CHRM3: variants seen among roughly 807,000 people sequenced by gnomAD.
The protein encoded by CHRM3 is muscarinic acetylcholine receptor M3.
Under a neutral mutation model 41.8 loss-of-function variants are expected in CHRM3, and 11 were observed. That is an observed-to-expected ratio of 0.26 (90% CI 0.17 to 0.44). CHRM3 has a LOEUF of 0.44. Ranked by LOEUF, CHRM3 falls within the 20% of genes least tolerant of loss-of-function variation. The pLI is 1.00. For synonymous variants in CHRM3, 297 were observed against 301.4 expected, an observed-to-expected ratio of 0.99 and a Z score of 0.15; for missense variants, 571 against 745.4, an observed-to-expected ratio of 0.77 and a Z score of 2.72.
intron 5 of CHRM3, among the ~76,000 whole-genome samples, chr1:239,733,457 A>G (rs1664138107): frequency 6.6e-6 from 1 of 152,114 alleles, no homozygotes; most frequent in Admixed American, 6.6e-5. Flanking sequence ...ATCTGTAGAT[A>G]TATACCTGAC....
chr1:239,715,311 G>A (rs926396218), intron 5 of CHRM3, among the ~76,000 whole-genome samples: 3 of 152,090 alleles, frequency 2.0e-5, no homozygotes, highest in South Asian at 4.1e-4. Context: ...AGAGGAAATA[G>A]GCTATGCACC....
intron 5 of CHRM3, among the ~76,000 whole-genome samples, chr1:239,681,804 T>G (rs1450726562): frequency 6.6e-6 from 1 of 151,768 alleles, no homozygotes; most frequent in African/African-American, 2.4e-5. Context: ...GAGGCTGAGG[T>G]GGGAGGATGG....
intron 4 of CHRM3, among the ~76,000 whole-genome samples, chr1:239,646,477 C>T (rs1448084565): frequency 6.6e-6 from 1 of 152,140 alleles, no homozygotes; most frequent in Non-Finnish European, 1.5e-5. Flanking sequence ...CATATACGCA[C>T]TGTTGGAAAA....
intron 6 of CHRM3, chr1:239,899,697 A>G (rs1054247421): frequency 6.6e-6 from 1 of 152,094 alleles, no homozygotes; most frequent in Non-Finnish European, 1.5e-5. Flanking sequence ...TATATCGTAT[A>G]TATATACTAA....
chr1:239,473,049 G>A (rs1666233176), intron 1 of CHRM3, among the ~76,000 whole-genome samples: 1 of 151,730 alleles, frequency 6.6e-6, no homozygotes, highest in African/African-American at 2.4e-5. Context: ...TTTTTAAATG[G>A]TGCTGGAAAA....
chr1:239,656,481 AAG>A (rs1491319574), intron 4 of CHRM3, among the ~76,000 whole-genome samples: 5 of 151,690 alleles, frequency 3.3e-5, no homozygotes, highest in Admixed American at 1.3e-4. Context: ...AAAAAGAAAA[AAG>A]AAAAAAAAAG....
At chr1:239,854,865 G>A (rs1674977406) in intron 6 of CHRM3, among the ~76,000 whole-genome samples, 2 of 152,132 alleles carry the variant, frequency 1.3e-5, no homozygotes, top group South Asian at 4.1e-4. Flanking sequence ...ATTCAGATAA[G>A]TGGAAGGCAT....
chr1:239,908,046 C>G lies in CHRM3; in HGVS notation c.595C>G (p.Leu199Val). 6.2e-7 allele frequency: 1 copy of G among 1,614,168 alleles called. No homozygotes were observed. Among genetic ancestry groups the G allele is most frequent in the Non-Finnish European group, 8.5e-7 (1 of 1,180,048 alleles). Reference protein sequence around the residue: ...IGLAWVISFVLWAPAILFWQY... With the variant: ...IGLAWVISFVVWAPAILFWQY... Reference sequence around the variant, plus strand: ...TCTGGCTTGGGTCATCTCCTTTGTCCTTTGGGCTCCTGCCATCTTGTTCTG... The same window carrying G: ...TCTGGCTTGGGTCATCTCCTTTGTCGTTTGGGCTCCTGCCATCTTGTTCTG... Residue 199 changes from leucine (L) to valine (V), a missense_variant, in exon 7 of 7, where the codon CTT becomes GTT. Physicochemically the swap from Leu to Val is conservative, Grantham distance 32. Transcript: ENST00000676153. This position sits in a 1 kb window ranked among gnomAD's most constrained non-coding sequence, Gnocchi z 7.2.
chr1:239,791,894 G>A (rs1669383181), intron 5 of CHRM3, among the ~76,000 whole-genome samples: 2 of 152,170 alleles, frequency 1.3e-5, no homozygotes, highest in Non-Finnish European at 2.9e-5. Context: ...TAGATTGGCA[G>A]ATACAAGACC....
intron 1 of CHRM3, among the ~76,000 whole-genome samples, chr1:239,405,480 T>G (rs2103013665): frequency 6.6e-6 from 1 of 152,312 alleles, no homozygotes; most frequent in African/African-American, 2.4e-5. Context: ...AGCCTGATTC[T>G]ACTCGGTGTC....
intron 1 of CHRM3, among the ~76,000 whole-genome samples, chr1:239,427,540 AT>A (rs1231945057): frequency 1.3e-5 from 2 of 151,834 alleles, no homozygotes; most frequent in Non-Finnish European, 2.9e-5. Flanking sequence ...CCACCATCTT[AT>A]TTTCTTCCCC....
rs1659284496 is a variant in CHRM3, at chr1:239,687,726, G to A, written c.-147+9438G>A. On this transcript the variant is annotated intron_variant, in intron 5 of 6. Coordinates refer to ENST00000676153, the MANE Select transcript of CHRM3 (RefSeq NM_001375978.1). ...GTGCTCCCATAACATAATAACTACT[G>A]TTTCTATGTTCAGATATGTTTAGAT... 2.6e-5 allele frequency among the ~76,000 whole-genome samples: 4 copies of A among 152,046 alleles called. No homozygotes were observed. In the South Asian group the frequency reaches 8.3e-4, roughly 32 times the overall value.
intron 1 of CHRM3, among the ~76,000 whole-genome samples, chr1:239,412,215 CACTCTTT>C: frequency 7.1e-6 from 1 of 140,916 alleles, no homozygotes; most frequent in East Asian, 2.1e-4. Flanking sequence ...CCCTCCTTCC[CACTCTTT>C]TTCTCCCCTT....
intron 2 of CHRM3, among the ~76,000 whole-genome samples, chr1:239,544,229 A>G (rs1659069669): frequency 6.6e-6 from 1 of 152,140 alleles, no homozygotes; most frequent in African/African-American, 2.4e-5. Context: ...CCTAGCTCCT[A>G]GTAATCATGC....
intron 1 of CHRM3, among the ~76,000 whole-genome samples, chr1:239,424,145 T>C (rs1662182408): frequency 6.6e-6 from 1 of 151,982 alleles, no homozygotes; most frequent in African/African-American, 2.4e-5. Flanking sequence ...ATTCTTTTAG[T>C]TGCGCAATGT....
intron 5 of CHRM3, among the ~76,000 whole-genome samples, chr1:239,708,826 G>A (rs1417327751): frequency 7.8e-6 from 1 of 127,458 alleles, no homozygotes; most frequent in Non-Finnish European, 1.6e-5. Context: ...TGAAACAGAA[G>A]TTTCACATTT....
intron 3 of CHRM3, among the ~76,000 whole-genome samples, chr1:239,603,104 T>C (rs977266298): frequency 6.7e-6 from 1 of 148,826 alleles, no homozygotes; most frequent in Non-Finnish European, 1.5e-5. Flanking sequence ...AAGTGGAATA[T>C]ACAATATTTG....
At chr1:239,718,536 T>C (rs935786144) in intron 5 of CHRM3, among the ~76,000 whole-genome samples, 2 of 151,972 alleles carry the variant, frequency 1.3e-5, no homozygotes, top group African/African-American at 4.8e-5. Context: ...TACATGGAGT[T>C]TTGTACACTT....
At chr1:239,733,928 A>G (rs1432758570) in intron 5 of CHRM3, among the ~76,000 whole-genome samples, 2 of 152,084 alleles carry the variant, frequency 1.3e-5, no homozygotes, top group Non-Finnish European at 2.9e-5. Flanking sequence ...TTGATTCTAG[A>G]TGTTGTGAAT....
Sources: gnomAD v4.1 joint callset for allele counts (sites outside exome capture counted in the v4.1 genomes callset) on GRCh38, gnomAD v4.1.1 for gene constraint, Gnocchi (gnomAD v3.1) non-coding constraint, MANE v1.5 for transcripts, NCBI Gene and HGNC (gene_info 2026-07-23, HGNC 2026-07-21) for gene names.